MMEL1: variants seen among roughly 807,000 people sequenced by gnomAD.
MMEL1 encodes the protein membrane metalloendopeptidase like 1.
MMEL1 carries 98 observed loss-of-function variants against 117.1 expected under a neutral mutation model. That is an observed-to-expected ratio of 0.84 (90% CI 0.71 to 0.99). The LOEUF is 0.99. Ranked by LOEUF, MMEL1 falls within the 50% of genes least tolerant of loss-of-function variation. The pLI is 0.00. For missense variants in MMEL1, 1,014 were observed against 1,049.1 expected (o/e 0.97, Z 0.46); for synonymous variants, 390 against 415.1 (o/e 0.94, Z 0.74).
At chr1:2,606,478 G>T in intron 7 of MMEL1, 112 bp from the exon 8 acceptor site, 5 of 737,732 alleles carry the variant, frequency 6.8e-6, no homozygotes, top group Non-Finnish European at 1.1e-5. Flanking sequence ...ATAGGGTGGG[G>T]AGCTCACCTG....
chr1:2,603,247 C>G (rs1265850981), intron 11 of MMEL1, among the ~76,000 whole-genome samples: 1 of 152,206 alleles, frequency 6.6e-6, no homozygotes, highest in Non-Finnish European at 1.5e-5. Context: ...CCTTGCCCTC[C>G]CCCCACTGAC....
Position 2,609,350 on chromosome 1 carries a change from C to T in MMEL1, c.524G>A (p.Cys175Tyr). 6.2e-7 allele frequency: 1 copy of T among 1,611,402 alleles called. No homozygotes were observed. The highest frequency in any genetic ancestry group is 1.7e-4 in the Middle Eastern group (1 of 6,058). The change falls in exon 6 of 24, where the codon TGC becomes TAC. Residue 175 changes from cysteine to tyrosine, a missense_variant. Physicochemically the swap from Cys to Tyr is radical, Grantham distance 194 (BLOSUM62 -2). Coordinates refer to ENST00000378412, the MANE Select transcript of MMEL1 (RefSeq NM_033467.4). The stretch of plus-strand genomic sequence containing the variant: ...CGGCCCCCACTCACTCTGGTTCATG[C>T]AGGAGCGGTACAGCGTCCTGGCCTT... ...VEKARTLYRS[C>Y]MNQSVIEKRG...
At chr1:2,613,766 G>A (rs1484092445) in intron 2 of MMEL1, among the ~76,000 whole-genome samples, 1 of 152,116 alleles carries the variant, frequency 6.6e-6, no homozygotes, top group Non-Finnish European at 1.5e-5. Context: ...TGGGAGGACT[G>A]CTTGAGCCCG....
intron 2 of MMEL1, among the ~76,000 whole-genome samples, chr1:2,619,470 CA>C (rs1393850153): frequency 2.0e-5 from 3 of 151,976 alleles, no homozygotes. Flanking sequence ...CCAGCCTGGC[CA>C]ACATGGTGAA....
In MMEL1 at chr1:2,598,277, CA is replaced by C. The variant is rs779752949; in HGVS notation, c.1201del (p.Trp401GlyfsTer11). 5.6e-6 allele frequency: 9 copies of C among 1,614,102 alleles called. No homozygotes were observed. In the South Asian group the frequency reaches 9.9e-5, roughly 18 times the overall value. On this transcript the variant is annotated frameshift_variant, in exon 13 of 24. Coordinates refer to ENST00000378412, the MANE Select transcript of MMEL1 (RefSeq NM_033467.4). LOFTEE classifies it high-confidence loss of function. The part of the protein sequence containing the change: ...SARTIQNYLV[W>X]RLVLDRIGSL... ...ACCAATGCGGTCCAGCACCAGGCGC[CA>C]GACCAGGTAGTTCTGTATGGTCCTG... is the stretch of plus-strand genomic sequence containing the variant.
At chr1:2,616,703 C>T (rs572257329) in intron 2 of MMEL1, among the ~76,000 whole-genome samples, 3 of 152,198 alleles carry the variant, frequency 2.0e-5, no homozygotes, top group Non-Finnish European at 4.4e-5. Context: ...AAAGAGGGAG[C>T]AAAGTGTGAC....
intron 8 of MMEL1, 33 bp from the exon 9 acceptor site, chr1:2,605,656 G>A (rs78506337): frequency 0.36 from 579,017 of 1,586,442 alleles, 110,837 homozygotes; most frequent in African/African-American, 0.61. Context: ...CCTGGGCAAG[G>A]GGCCCGGGGT....
intron 6 of MMEL1, among the ~76,000 whole-genome samples, chr1:2,608,495 C>A (rs1330835128): frequency 1.5e-5 from 2 of 132,530 alleles, no homozygotes; most frequent in African/African-American, 6.2e-5. Context: ...ACACACATAA[C>A]ATGTATACAC....
chr1:2,629,558 T>C (rs1638446661), intron 1 of MMEL1, 37 bp from the exon 2 acceptor site: 2 of 1,344,466 alleles, frequency 1.5e-6, no homozygotes, highest in Admixed American at 3.3e-5. Context: ...GAGAGGGGCG[T>C]GGAGCTCCCC....
Position 2,595,975 on chromosome 1 carries a change from G to T in MMEL1, c.1500+34C>A, listed in dbSNP as rs370915846. 1.9e-6 allele frequency: 3 copies of T among 1,578,852 alleles called. No homozygotes were observed. The highest frequency in any genetic ancestry group is 1.7e-5 in the Admixed American group (1 of 59,798). The stretch of plus-strand genomic sequence containing the variant: ...GCGGTGCTGCCCGTGCCCAGATCCA[G>T]TCGGGGCTGCCCTGACCTCTGCGAG... On this transcript the variant is annotated intron_variant, in intron 15 of 23. Coordinates refer to ENST00000378412, the MANE Select transcript of MMEL1 (RefSeq NM_033467.4). The surrounding 1 kb of genome is among the most constrained non-coding windows in gnomAD (Gnocchi z 4.8).
chr1:2,594,764 C>CATGCCGCAT lies in MMEL1; in HGVS notation c.1688+25_1688+26insATGCGGCAT, dbSNP rs751643122. ...TGGCCACTCCCTGGCCCCCCCCGCC[C>CATGCCGCAT]ATGCCGCACCAGCGATGCCACTCAC... On this transcript the variant is annotated intron_variant, in intron 17 of 23. Transcript: ENST00000378412. 263 of 1,592,872 alleles carry CATGCCGCAT rather than the reference C, an allele frequency of 1.7e-4. 2 individuals carry two copies. The Middle Eastern group carries it at 2.2e-3, about 13-fold the overall frequency.
intron 13 of MMEL1, among the ~76,000 whole-genome samples, 176 bp downstream of exon 13, chr1:2,598,031 A>G (rs1443409560): frequency 6.6e-6 from 1 of 152,172 alleles, no homozygotes; most frequent in African/African-American, 2.4e-5. Flanking sequence ...TGGCAGAGCT[A>G]CGTTCTGCCT....
chr1:2,595,437 AC>A lies in MMEL1; in HGVS notation c.1501-79del. The A allele has an allele frequency of 7.8e-7, 1 of 1,286,560 alleles. No homozygotes were observed. Among genetic ancestry groups the A allele is most frequent in the Non-Finnish European group, 1.1e-6 (1 of 887,418 alleles). 79.7% of individuals were successfully genotyped at this position (1,286,560 alleles called of 1,614,324 possible). ...GCCCGGGGGCCGGTCAGTGAGTGCC[AC>A]ACTGTGGGAGGGGTCAGCCCGGGGC... On this transcript the variant is annotated intron_variant, in intron 15 of 23. Coordinates refer to ENST00000378412, the MANE Select transcript of MMEL1 (RefSeq NM_033467.4). This position sits in a 1 kb window ranked among gnomAD's most constrained non-coding sequence, Gnocchi z 4.8.
chr1:2,618,776 A>G (rs528863238), intron 2 of MMEL1, among the ~76,000 whole-genome samples: 1 of 152,372 alleles, frequency 6.6e-6, no homozygotes, highest in East Asian at 1.9e-4. Flanking sequence ...ATAAAAGCCA[A>G]TTTGAATATG....
chr1:2,612,082 C>T lies in MMEL1; in HGVS notation c.232+45G>A, dbSNP rs185003492. 6.2e-4 allele frequency: 941 copies of T among 1,505,836 alleles called. 3 individuals carry two copies. The Middle Eastern group carries it at 8.0e-3, about 13-fold the overall frequency. 93.3% of individuals were successfully genotyped at this position (1,505,836 alleles called of 1,614,324 possible). A position where few individuals can be genotyped will look rare whatever the true frequency, so the allele number is the denominator to read the frequency against. ...GAGTCCCCCCACCTTGGGAGGCCAG[C>T]GCCCACCTGCCTGGGGCTGTTTTGG... On this transcript the variant is annotated intron_variant, in intron 3 of 23. Coordinates refer to ENST00000378412, the MANE Select transcript of MMEL1 (RefSeq NM_033467.4). This position sits in a 1 kb window ranked among gnomAD's most constrained non-coding sequence, Gnocchi z 5.4.
At position 2,591,969 on chromosome 1, in the gene MMEL1, A is replaced by G. The variant is rs1644725742; in HGVS notation, c.2126T>C (p.Leu709Pro). The G allele has an allele frequency of 6.2e-7, 1 of 1,613,262 alleles. No individual in the cohort carries two copies. Among genetic ancestry groups the G allele is most frequent in the African/African-American group, 1.3e-5 (1 of 74,886 alleles). ...GATGAAGAAGAGCTGCTCATGGGTG[A>G]GATCCAGGCCGGGCAGCTGCTGGTC... ...GKDQQLPGLDLTHEQLFFINY... is the reference protein window; with the variant it reads ...GKDQQLPGLDPTHEQLFFINY... Residue 709 changes from leucine (L) to proline (P), a missense_variant, in exon 22 of 24, where the codon CTC becomes CCC. Coordinates refer to ENST00000378412, the MANE Select transcript of MMEL1 (RefSeq NM_033467.4).
At position 2,629,556 on chromosome 1, in the gene MMEL1, C is replaced by T. The variant is rs1433583857; in HGVS notation, c.-37-35G>A. ...CAGGGCAGGGGAGAGGGGAGAGGGG[C>T]GTGGAGCTCCCCGAGCCCGGCCCGA... is the stretch of plus-strand genomic sequence containing the variant. On this transcript the variant is annotated intron_variant, in intron 1 of 23. Coordinates refer to ENST00000378412, the MANE Select transcript of MMEL1 (RefSeq NM_033467.4). 6 of 1,343,950 alleles carry T rather than the reference C, an allele frequency of 4.5e-6. No homozygotes were observed. The African/African-American group carries it at 9.2e-5, about 21-fold the overall frequency. The allele number at this position is 1,343,950 out of a possible 1,614,324, so 83.3% of individuals were successfully genotyped here.
intron 1 of MMEL1, among the ~76,000 whole-genome samples, chr1:2,630,994 C>T (rs1031625475): frequency 6.7e-6 from 1 of 149,278 alleles, no homozygotes; most frequent in African/African-American, 2.5e-5. Flanking sequence ...TGTGATTGTG[C>T]ACCTGTGCGT....
chr1:2,631,848 C>T (rs910366638), intron 1 of MMEL1, among the ~76,000 whole-genome samples: 2 of 152,202 alleles, frequency 1.3e-5, no homozygotes, highest in Non-Finnish European at 2.9e-5. Flanking sequence ...TCCTGCCACT[C>T]GCTGCCTGTT....
Sources: allele counts gnomAD v4.1 joint callset (sites outside exome capture counted in the v4.1 genomes callset), GRCh38; gene constraint gnomAD v4.1.1; non-coding constraint Gnocchi (gnomAD v3.1); transcripts MANE v1.5; gene names NCBI Gene and HGNC (gene_info 2026-07-23, HGNC 2026-07-21).